The following NEDD1 variants were observed in gnomAD, a reference collection of about 807,000 sequenced individuals.
NEDD1 encodes the protein NEDD1 gamma-tubulin ring complex targeting factor.
A neutral mutation model predicts 74.0 loss-of-function variants in NEDD1; 33 were observed. The ratio of observed to expected loss-of-function variants is 0.45; its 90% CI spans 0.34 to 0.60. The LOEUF (loss-of-function observed/expected upper bound fraction) is 0.60, where lower values mean the gene tolerates loss of function less well. Ranked by LOEUF, NEDD1 falls within the 20% of genes least tolerant of loss-of-function variation. NEDD1 has a pLI of 0.01. For missense variants in NEDD1, 746 were observed against 776.5 expected, an observed-to-expected ratio of 0.96 and a Z score of 0.47; for synonymous variants, 250 against 264.4, an observed-to-expected ratio of 0.95 and a Z score of 0.53.
At chr12:96,935,784 A>G (rs1877022586) in intron 7 of NEDD1, among the ~76,000 whole-genome samples, 1 of 152,106 alleles carries the variant, frequency 6.6e-6, no homozygotes, top group East Asian at 1.9e-4. Flanking sequence ...GGCCCACTGT[A>G]CCCTCTTCTT....
intron 6 of NEDD1, among the ~76,000 whole-genome samples, chr12:96,931,066 AT>A (rs1367799441): frequency 6.6e-6 from 1 of 152,152 alleles, no homozygotes; most frequent in African/African-American, 2.4e-5. Flanking sequence ...GTGACAGATG[AT>A]TTGTGCTTGA....
intron 14 of NEDD1, among the ~76,000 whole-genome samples, chr12:96,947,341 C>A (rs1878295218): frequency 1.3e-5 from 2 of 152,000 alleles, no homozygotes; most frequent in African/African-American, 4.8e-5. Flanking sequence ...TCTGTGGGGG[C>A]AGATTTAGAA....
chr12:96,925,265 G>A (rs1053690705), intron 6 of NEDD1, among the ~76,000 whole-genome samples: 2 of 152,138 alleles, frequency 1.3e-5, no homozygotes, highest in African/African-American at 4.8e-5. Flanking sequence ...GGGTTTTTGG[G>A]GAGGGACCAG....
chr12:96,943,354 T>G (rs558970084), intron 11 of NEDD1, among the ~76,000 whole-genome samples: 27 of 152,300 alleles, frequency 1.8e-4, no homozygotes, highest in African/African-American at 5.5e-4. Flanking sequence ...CATTTACATT[T>G]GTAGATCGGG....
At chr12:96,937,107 A>AT in intron 8 of NEDD1, 91 bp from the exon 9 acceptor site, 2 of 735,774 alleles carry the variant, frequency 2.7e-6, no homozygotes, top group Non-Finnish European at 4.0e-6. Context: ...AAAAAAATAT[A>AT]TTTTTTAATC....
At chr12:96,915,684 G>T (rs1874364627) in intron 4 of NEDD1, among the ~76,000 whole-genome samples, 1 of 152,188 alleles carries the variant, frequency 6.6e-6, no homozygotes, top group African/African-American at 2.4e-5. Context: ...ATGCAACACT[G>T]TTCTGTATAG....
intron 6 of NEDD1, among the ~76,000 whole-genome samples, chr12:96,930,810 A>G (rs1167011047): frequency 1.3e-5 from 2 of 152,150 alleles, no homozygotes; most frequent in African/African-American, 2.4e-5. Flanking sequence ...CTGCTTTTCT[A>G]CATACACATA....
At chr12:96,951,603 C>A (rs896876738) in intron 15 of NEDD1, 105 bp downstream of exon 15, 3 of 622,332 alleles carry the variant, frequency 4.8e-6, no homozygotes, top group Non-Finnish European at 8.2e-6. Flanking sequence ...TGTTTAGTTT[C>A]TAAGATAAAT....
At chr12:96,931,376 TAAATG>T (rs1876448272) in intron 6 of NEDD1, among the ~76,000 whole-genome samples, 1 of 152,172 alleles carries the variant, frequency 6.6e-6, no homozygotes, top group Non-Finnish European at 1.5e-5. Flanking sequence ...TCACAAAATT[TAAATG>T]AAATAGGGAA....
chr12:96,909,277 G>A (rs991184871), intron 2 of NEDD1, among the ~76,000 whole-genome samples: 1 of 152,140 alleles, frequency 6.6e-6, no homozygotes, highest in African/African-American at 2.4e-5. Flanking sequence ...TACCAGGTAA[G>A]GAAGGGACTG....
chr12:96,937,516 G>T, intron 9 of NEDD1, 123 bp downstream of exon 9: 1 of 464,242 alleles, frequency 2.2e-6, no homozygotes, highest in Non-Finnish European at 3.8e-6. Flanking sequence ...TGAGTACTTA[G>T]GTAAAATTAG....
chr12:96,942,684 G>C, intron 11 of NEDD1, 60 bp downstream of exon 11: 1 of 827,494 alleles, frequency 1.2e-6, no homozygotes, highest in Admixed American at 2.1e-5. Context: ...TATCTATGCT[G>C]TGTAACAAAT....
chr12:96,929,623 ATTTT>A (rs1555202701), intron 6 of NEDD1, among the ~76,000 whole-genome samples: 2 of 126,176 alleles, frequency 1.6e-5, no homozygotes, highest in Admixed American at 8.2e-5. Context: ...ATATATATAT[ATTTT>A]TTTTTTAATG....
intron 4 of NEDD1, 92 bp downstream of exon 4, chr12:96,912,909 G>A: frequency 1.6e-6 from 1 of 633,122 alleles, no homozygotes; most frequent in Non-Finnish European, 2.8e-6. Flanking sequence ...TAAATATAAA[G>A]GTTTTTAAAA....
At chr12:96,921,279 T>A (rs1875056223) in intron 6 of NEDD1, among the ~76,000 whole-genome samples, 1 of 152,156 alleles carries the variant, frequency 6.6e-6, no homozygotes, top group Non-Finnish European at 1.5e-5. Context: ...TCTCCCGGGT[T>A]CAAGCGATTC....
Position 96,944,814 on chromosome 12 carries a change from C to T in NEDD1, c.1654+19C>T. On this transcript the variant is annotated intron_variant, in intron 13 of 15. Coordinates refer to ENST00000266742, the MANE Select transcript of NEDD1 (RefSeq NM_152905.4). ...ACTCCAAGTAAGTACATGAAACTTC[C>T]TGATGTTTGAAAGTGTTTGATTGAA... 6.6e-7 allele frequency: 1 copy of T among 1,504,662 alleles called. No homozygotes were observed. The highest frequency in any genetic ancestry group is 8.9e-7 in the Non-Finnish European group (1 of 1,127,014). 93.2% of individuals were successfully genotyped at this position (1,504,662 alleles called of 1,614,324 possible).
chr12:96,912,670 C>A (rs937583059), intron 3 of NEDD1, 53 bp from the exon 4 acceptor site: 23 of 826,110 alleles, frequency 2.8e-5, no homozygotes, highest in Non-Finnish European at 4.2e-5. Flanking sequence ...TTATAATAGT[C>A]TAGTGCTATA....
At position 96,953,310 on chromosome 12, in the gene NEDD1, TA is replaced by T. The variant is rs1365291925; in HGVS notation, c.*1259del. The T allele has an allele frequency of 6.6e-6, 1 of 151,614 alleles. No homozygotes were observed. Among genetic ancestry groups the T allele is most frequent in the East Asian group, 1.9e-4 (1 of 5,184 alleles). 9.4% of individuals were successfully genotyped at this position (151,614 alleles called of 1,614,324 possible). ...ATATATTTAATAAGCATAAACTTACTAATAATTACTTCCAAAAATAAAAACA... is the reference window on the plus strand; with the variant it reads ...ATATATTTAATAAGCATAAACTTACTATAATTACTTCCAAAAATAAAAACA... On this transcript the variant is annotated 3_prime_UTR_variant, in exon 16 of 16. Transcript: ENST00000266742.
intron 6 of NEDD1, among the ~76,000 whole-genome samples, chr12:96,921,680 TAGAG>T (rs1009784214): frequency 6.6e-6 from 1 of 151,570 alleles, no homozygotes; most frequent in Non-Finnish European, 1.5e-5. Flanking sequence ...TTTTCTTTCT[TAGAG>T]AGTCTTACTC....
Sources: allele counts gnomAD v4.1 joint callset (sites outside exome capture counted in the v4.1 genomes callset), GRCh38; gene constraint gnomAD v4.1.1; transcripts MANE v1.5; gene names NCBI Gene and HGNC (gene_info 2026-07-23, HGNC 2026-07-21).